MAP1S: variants seen among roughly 807,000 people sequenced by gnomAD.
The protein encoded by MAP1S is microtubule associated protein 1S.
A neutral mutation model predicts 60.9 loss-of-function variants in MAP1S; 27 were observed. That is an observed-to-expected ratio of 0.44 (90% confidence interval 0.33 to 0.61). MAP1S has a LOEUF of 0.61. MAP1S is among the 20% of genes least tolerant of loss of function. The pLI is 0.03. For synonymous variants in MAP1S, 826 were observed against 694.2 expected, an observed-to-expected ratio of 1.19 and a Z score of -2.98; for missense variants, 1,608 against 1,486.6, an observed-to-expected ratio of 1.08 and a Z score of -1.34.
intron 5 of MAP1S, 146 bp downstream of exon 5, chr19:17,728,318 C>T: frequency 1.1e-6 from 1 of 905,512 alleles, no homozygotes; most frequent in Non-Finnish European, 1.6e-6. Context: ...GGTGTGGTCA[C>T]AGCTCATTGC....
chr19:17,723,062 ATGT>A (rs1173278252), intron 2 of MAP1S, among the ~76,000 whole-genome samples: 1 of 151,660 alleles, frequency 6.6e-6, no homozygotes, highest in Non-Finnish European at 1.5e-5. Context: ...CACAGTACTG[ATGT>A]TTAAAACACA....
Position 17,733,331 on chromosome 19 carries a change from A to C in MAP1S, c.2927A>C (p.Tyr976Ser). ...EFFQRVRALC[Y>S]VISGQDQRKE... ...TTCCAGCGCGTGCGCGCGCTCTGCT[A>C]CGTCATCAGTGGCCAGGACCAGCGC... Residue 976 changes from tyrosine (Y) to serine (S), a missense_variant, in exon 6 of 7, where the codon TAC becomes TCC. By Grantham distance (144) the Tyr-to-Ser change is moderately radical. Transcript: ENST00000324096. The C allele has an allele frequency of 6.2e-7, 1 of 1,608,954 alleles. No individual in the cohort carries two copies. Among genetic ancestry groups the C allele is most frequent in the Non-Finnish European group, 8.5e-7 (1 of 1,178,484 alleles).
chr19:17,721,486 G>A (rs1037877634), intron 2 of MAP1S: 7 of 258,902 alleles, frequency 2.7e-5, no homozygotes, highest in Non-Finnish European at 4.6e-5. Context: ...AGACTAGCCT[G>A]GCCAACGTGG....
chr19:17,723,279 G>A (rs2080387408), intron 2 of MAP1S, among the ~76,000 whole-genome samples: 1 of 152,212 alleles, frequency 6.6e-6, no homozygotes, highest in Non-Finnish European at 1.5e-5. Flanking sequence ...GGGTGCAGTG[G>A]GTCAAGTCTG....
intron 2 of MAP1S, 95 bp from the exon 3 acceptor site, chr19:17,724,031 A>T: frequency 1.1e-6 from 1 of 897,252 alleles, no homozygotes; most frequent in Non-Finnish European, 1.8e-6. Context: ...TAATCTCCAT[A>T]TGATCCCTGG....
At chr19:17,730,296 A>G (rs1159234617) in intron 5 of MAP1S, among the ~76,000 whole-genome samples, 1 of 152,014 alleles carries the variant, frequency 6.6e-6, no homozygotes, top group Admixed American at 6.6e-5. Flanking sequence ...ATGTCTATTC[A>G]ATTCCTTTGC....
chr19:17,720,322 T>G, intron 1 of MAP1S: 1 of 1,484,112 alleles, frequency 6.7e-7, no homozygotes, highest in Non-Finnish European at 8.9e-7. Context: ...GCACCTCGGT[T>G]CATGTGCTTG....
At position 17,726,236 on chromosome 19, in the gene MAP1S, C is replaced by T; in HGVS notation, c.852C>T (p.Arg284=). The T allele has an allele frequency of 1.2e-6, 2 of 1,607,738 alleles. No individual in the cohort carries two copies. The highest frequency in any genetic ancestry group is 2.2e-5 in the East Asian group (1 of 44,548). Residue 284 remains arginine (R), a synonymous_variant, in exon 5 of 7, where the codon CGC becomes CGT. Coordinates refer to ENST00000324096, the MANE Select transcript of MAP1S (RefSeq NM_018174.6). ...GGAAGCTGGTGCGGCACCTGGACCG[C>T]GTGGATGCCGTGCTGGTGACCCACC... is the stretch of plus-strand genomic sequence containing the variant. ...SFWKLVRHLD[R]VDAVLVTHPG...
chr19:17,725,795 C>G lies in MAP1S; in HGVS notation c.445-34C>G. ...CCACCGGGCTAGGTGTTGCCTGGCT[C>G]TAGGTGGTCCCTTACCACTCCTCCT... On this transcript the variant is annotated intron_variant, in intron 4 of 6. Coordinates refer to ENST00000324096, the MANE Select transcript of MAP1S (RefSeq NM_018174.6). This position sits in a 1 kb window ranked among gnomAD's most constrained non-coding sequence, Gnocchi z 4.2. 6.3e-7 allele frequency: 1 copy of G among 1,584,880 alleles called. No individual in the cohort carries two copies. The highest frequency in any genetic ancestry group is 1.1e-5 in the South Asian group (1 of 87,908).
At chr19:17,724,715 A>G (rs957464335) in intron 3 of MAP1S, among the ~76,000 whole-genome samples, 1 of 152,060 alleles carries the variant, frequency 6.6e-6, no homozygotes, top group Non-Finnish European at 1.5e-5. Context: ...TCTTTAAGAG[A>G]CAGAGTGAGA....
chr19:17,734,425 C>T lies in MAP1S; in HGVS notation c.3177C>T (p.Phe1059=), dbSNP rs1229810830. Residue 1059 remains phenylalanine (F), a synonymous_variant, in exon 7 of 7, where the codon TTC becomes TTT. Coordinates refer to ENST00000324096, the MANE Select transcript of MAP1S (RefSeq NM_018174.6). The part of the protein sequence containing the change: ...DDAFPACKVE[F] Reference sequence around the variant, plus strand: ...CCTTCCCGGCCTGCAAGGTGGAGTTCTAGCCCCATCGCCGACACGCCCCCC... The same window carrying T: ...CCTTCCCGGCCTGCAAGGTGGAGTTTTAGCCCCATCGCCGACACGCCCCCC... The T allele has an allele frequency of 1.2e-6, 2 of 1,607,020 alleles. No homozygotes were observed. The highest frequency in any genetic ancestry group is 1.7e-6 in the Non-Finnish European group (2 of 1,176,210).
chr19:17,720,545 C>T (rs886065305), intron 1 of MAP1S: 2 of 1,460,136 alleles, frequency 1.4e-6, no homozygotes, highest in African/African-American at 2.8e-5. Context: ...TCAGTCTTAG[C>T]ACCCGAAGGT....
In MAP1S at chr19:17,726,723, C is replaced by T. The variant is rs775362605; in HGVS notation, c.1339C>T (p.Arg447Cys). Residue 447 changes from arginine to cysteine, a missense_variant, in exon 5 of 7, where the codon CGC (arginine) becomes TGC (cysteine). Physicochemically the swap from Arg to Cys is radical, Grantham distance 180 (BLOSUM62 -3). Coordinates refer to ENST00000324096, the MANE Select transcript of MAP1S (RefSeq NM_018174.6). ...PPACLLDGLVRLQHLRFLREP... is the reference protein window; with the variant it reads ...PPACLLDGLVCLQHLRFLREP... Reference sequence around the variant, plus strand: ...CGCCTGCCTCCTGGACGGCCTGGTCCGCCTGCAGCACTTGAGGTTCCTGCG... The same window carrying T: ...CGCCTGCCTCCTGGACGGCCTGGTCTGCCTGCAGCACTTGAGGTTCCTGCG... 8 of 1,590,054 alleles carry T rather than the reference C, an allele frequency of 5.0e-6. No individual in the cohort carries two copies. Among genetic ancestry groups the T allele is most frequent in the South Asian group, 2.3e-5 (2 of 88,394 alleles).
chr19:17,721,844 C>T (rs928218131), intron 2 of MAP1S, among the ~76,000 whole-genome samples: 1 of 152,100 alleles, frequency 6.6e-6, no homozygotes, highest in Non-Finnish European at 1.5e-5. Context: ...TCAAGAAGGG[C>T]CCAACTCAGC....
At position 17,727,977 on chromosome 19, in the gene MAP1S, C is replaced by T; in HGVS notation, c.2593C>T (p.Pro865Ser). Residue 865 changes from proline to serine, a missense_variant, in exon 5 of 7, where the codon CCC (proline) becomes TCC (serine). Pro to Ser is a moderately conservative substitution (Grantham distance 74). Coordinates refer to ENST00000324096, the MANE Select transcript of MAP1S (RefSeq NM_018174.6). This position sits in a 1 kb window ranked among gnomAD's most constrained non-coding sequence, Gnocchi z 4.1. The part of the protein sequence containing the change: ...QTENVSRTRK[P>S]LARPNSRAAA... ...GGAGAACGTCAGCCGCACCCGGAAG[C>T]CCCTGGCCCGCCCCAACTCACGCGC... 1.2e-6 allele frequency: 2 copies of T among 1,610,066 alleles called. No individual in the cohort carries two copies. The highest frequency in any genetic ancestry group is 1.7e-6 in the Non-Finnish European group (2 of 1,178,336).
chr19:17,733,143 C>T, intron 5 of MAP1S, 50 bp from the exon 6 acceptor site: 1 of 1,315,138 alleles, frequency 7.6e-7, no homozygotes, highest in Non-Finnish European at 1.0e-6. Context: ...GCCTCGGCCC[C>T]TCCCCAGCCC....
chr19:17,723,282 C>T (rs1347642554), intron 2 of MAP1S, among the ~76,000 whole-genome samples: 4 of 152,200 alleles, frequency 2.6e-5, no homozygotes, highest in South Asian at 2.1e-4. Flanking sequence ...TGCAGTGGGT[C>T]AAGTCTGTAA....
rs1194221264 is a variant in MAP1S at position 17,725,955 on chromosome 19, C to T, written c.571C>T (p.Leu191Phe). 1.2e-6 allele frequency: 2 copies of T among 1,612,972 alleles called. No homozygotes were observed. The highest frequency in any genetic ancestry group is 1.7e-6 in the Non-Finnish European group (2 of 1,179,624). ...AVPGLQGALR[L>F]QLRLNPPAQL... ...GCCTGGCCTTCAGGGGGCGCTCCGG[C>T]TCCAGCTGCGGCTGAACCCCCCGGC... Residue 191 changes from leucine to phenylalanine, a missense_variant, in exon 5 of 7, where the codon CTC becomes TTC. Physicochemically the swap from Leu to Phe is conservative, Grantham distance 22. Coordinates refer to ENST00000324096, the MANE Select transcript of MAP1S (RefSeq NM_018174.6). The surrounding 1 kb of genome is among the most constrained non-coding windows in gnomAD (Gnocchi z 4.2).
intron 2 of MAP1S, among the ~76,000 whole-genome samples, chr19:17,722,353 G>A (rs994478381): frequency 2.0e-5 from 3 of 152,262 alleles, no homozygotes; most frequent in Non-Finnish European, 4.4e-5. Context: ...TCAGGAGCCC[G>A]AGGAGGGAGG....
Sources: allele counts gnomAD v4.1 joint callset (sites outside exome capture counted in the v4.1 genomes callset), GRCh38; gene constraint gnomAD v4.1.1; non-coding constraint Gnocchi (gnomAD v3.1); transcripts MANE v1.5; gene names NCBI Gene and HGNC (gene_info 2026-07-23, HGNC 2026-07-21).